Variants in COL6A5 observed in about 807,000 individuals in gnomAD.
COL6A5 encodes collagen alpha-5(VI) chain.
Under a neutral mutation model 65.6 loss-of-function variants are expected in COL6A5, and 48 were observed. That is an observed-to-expected ratio of 0.73 (90% confidence interval 0.58 to 0.93). The LOEUF (loss-of-function observed/expected upper bound fraction) is 0.93. Among genes scored for constraint, COL6A5 ranks in the 40% least tolerant of loss-of-function variants. The pLI, the probability that COL6A5 is intolerant of heterozygous loss-of-function variation, is 0.00. For missense variants in COL6A5, 914 were observed against 928.3 expected (o/e 0.98, Z 0.20); for synonymous variants, 291 against 322.8 (o/e 0.90, Z 1.05).
intron 1 of COL6A5, among the ~76,000 whole-genome samples, chr3:130,437,165 A>G (rs1466601003): frequency 1.3e-5 from 2 of 152,108 alleles, no homozygotes; most frequent in African/African-American, 4.8e-5. Flanking sequence ...GTGCGTATAT[A>G]TGTGTGTTTG....
chr3:130,463,107 C>G (rs547707950), intron 5 of COL6A5, among the ~76,000 whole-genome samples: 1 of 151,978 alleles, frequency 6.6e-6, no homozygotes, highest in Admixed American at 6.6e-5. Flanking sequence ...GCACAAGACC[C>G]GAAGCAAACT....
At chr3:130,391,718 C>T (rs778770155) in exon 7 of COL6A5, 3 of 1,551,276 alleles carry the variant, frequency 1.9e-6, no homozygotes, top group Middle Eastern at 1.7e-4. Flanking sequence ...TGTTTTCACA[C>T]TTGTTCAAGA....
At chr3:130,435,372 A>C (rs1019045317) in intron 1 of COL6A5, among the ~76,000 whole-genome samples, 3 of 152,122 alleles carry the variant, frequency 2.0e-5, no homozygotes, top group African/African-American at 7.2e-5. Flanking sequence ...GTCAGGTATC[A>C]TGATGCCTCC....
chr3:130,391,451 C>T lies in COL6A5; in HGVS notation c.2689C>T (p.Leu897Phe). 6.4e-7 allele frequency: 1 copy of T among 1,551,684 alleles called. No individual in the cohort carries two copies. Among genetic ancestry groups the T allele is most frequent in the Non-Finnish European group, 8.7e-7 (1 of 1,146,972 alleles). Residue 897 changes from leucine (L) to phenylalanine (F), a missense_variant and NMD_transcript_variant, in exon 7 of 42, where the codon CTC (leucine) becomes TTC (phenylalanine). By Grantham distance (22) the Leu-to-Phe change is conservative. Transcript: ENST00000312481. ...AGGGAACACCTACACTGCCAAGGCT[C>T]TCAAGCACGCAAATGCCCTGTTTAC... is the stretch of plus-strand genomic sequence containing the variant.
At chr3:130,428,233 A>C (rs1937650495), upstream of COL6A5, among the ~76,000 whole-genome samples, 1 of 152,186 alleles carries the variant, frequency 6.6e-6, no homozygotes, top group South Asian at 2.1e-4. Flanking sequence ...TCCAGGATGC[A>C]GACTGGAGAT....
intron 5 of COL6A5, among the ~76,000 whole-genome samples, chr3:130,464,515 T>C (rs536752744): frequency 1.5e-4 from 23 of 152,188 alleles, no homozygotes; most frequent in Non-Finnish European, 1.3e-4. Context: ...ACAGAGATCA[T>C]GGTAACATCT....
intron 6 of COL6A5, among the ~76,000 whole-genome samples, chr3:130,470,355 C>A (rs1426837313): frequency 6.6e-6 from 1 of 151,942 alleles, no homozygotes; most frequent in Admixed American, 6.6e-5. Context: ...CACAAGGTTG[C>A]AGGTTTTCTG....
At chr3:130,371,530 T>G (rs1935559115) in intron 1 of COL6A5, among the ~76,000 whole-genome samples, 1 of 152,176 alleles carries the variant, frequency 6.6e-6, no homozygotes, top group African/African-American at 2.4e-5. Context: ...CCACTCATAG[T>G]AAATTTGTTT....
exon 1 of COL6A5, chr3:130,431,790 G>A (rs749699638): frequency 1.4e-5 from 22 of 1,551,506 alleles, no homozygotes; most frequent in East Asian, 4.9e-5. Flanking sequence ...TCAAGCGGAC[G>A]TATGCAGGAG....
intron 1 of COL6A5, among the ~76,000 whole-genome samples, chr3:130,354,904 T>C (rs932031689): frequency 1.3e-5 from 2 of 152,196 alleles, no homozygotes; most frequent in Non-Finnish European, 1.5e-5. Flanking sequence ...AGATGTGCCA[T>C]AGAAGTAAAA....
rs1032012928 is a variant in COL6A5 at position 130,417,874 on chromosome 3, G to T, written c.4888-995G>T. On this transcript the variant is annotated intron_variant and NMD_transcript_variant, in intron 24 of 41. Transcript: ENST00000312481. ...CCTTTTACACTGAGCCCAGCAAATT[G>T]TATCACGGGTCTTGGCTTTCCCATG... 2.6e-5 allele frequency among the ~76,000 whole-genome samples: 4 copies of T among 152,084 alleles called. No homozygotes were observed. In the East Asian group the frequency reaches 7.7e-4, roughly 29 times the overall value.
intron 1 of COL6A5, among the ~76,000 whole-genome samples, chr3:130,346,549 G>C: frequency 6.6e-6 from 1 of 152,118 alleles, no homozygotes; most frequent in East Asian, 1.9e-4. Context: ...ACGAAACTGT[G>C]ATCTTTGAGA....
At chr3:130,461,777 A>T (rs1285738174) in intron 5 of COL6A5, among the ~76,000 whole-genome samples, 1 of 149,738 alleles carries the variant, frequency 6.7e-6, no homozygotes, top group Non-Finnish European at 1.5e-5. Context: ...TTTTTTTTTA[A>T]AAAAAACCTT....
At chr3:130,468,298 T>C (rs1217707765) in intron 5 of COL6A5, among the ~76,000 whole-genome samples, 1 of 152,074 alleles carries the variant, frequency 6.6e-6, no homozygotes, top group African/African-American at 2.4e-5. Flanking sequence ...AGCACTTGTT[T>C]ATACTTGCTC....
intron 1 of COL6A5, among the ~76,000 whole-genome samples, chr3:130,356,820 A>G (rs575898277): frequency 2.5e-4 from 38 of 152,310 alleles, no homozygotes; most frequent in African/African-American, 8.9e-4. Context: ...AGTAATGATG[A>G]GCAGGCTTGC....
intron 1 of COL6A5, among the ~76,000 whole-genome samples, chr3:130,346,957 G>T (rs950859473): frequency 5.9e-5 from 9 of 152,120 alleles, no homozygotes; most frequent in African/African-American, 2.2e-4. Context: ...GGAATCCTGA[G>T]ATTTCATATG....
At chr3:130,443,377 A>T in intron 3 of COL6A5, 99 bp from the exon 36 acceptor site, 1 of 858,548 alleles carries the variant, frequency 1.2e-6, no homozygotes, top group Non-Finnish European at 1.9e-6. Flanking sequence ...TATGTTAGTG[A>T]CATTAGTTGC....
chr3:130,390,080 T>C (rs1446934171), intron 6 of COL6A5, among the ~76,000 whole-genome samples: 1 of 152,148 alleles, frequency 6.6e-6, no homozygotes, highest in Non-Finnish European at 1.5e-5. Context: ...TAATTGGAAT[T>C]TTCTTCTTCC....
chr3:130,369,954 G>A (rs1196071870), intron 1 of COL6A5, among the ~76,000 whole-genome samples: 1 of 152,162 alleles, frequency 6.6e-6, no homozygotes, highest in African/African-American at 2.4e-5. Flanking sequence ...GAGAGTTTGA[G>A]CATTTGAAAG....
Sources: gnomAD v4.1 joint callset for allele counts (sites outside exome capture counted in the v4.1 genomes callset) on GRCh38, gnomAD v4.1.1 for gene constraint, MANE v1.5 for transcripts, NCBI Gene and HGNC (gene_info 2026-07-23, HGNC 2026-07-21) for gene names.